The following UMPS variants were observed in gnomAD, a reference collection of about 807,000 sequenced individuals.
UMPS encodes the protein uridine 5'-monophosphate synthase.
Under a neutral mutation model 38.9 loss-of-function variants are expected in UMPS, and 21 were observed. The ratio of observed to expected loss-of-function variants is 0.54; its 90% CI spans 0.38 to 0.78. The LOEUF (loss-of-function observed/expected upper bound fraction) is 0.78. UMPS is among the 30% of genes least tolerant of loss of function. The probability of loss-of-function intolerance (pLI) is 0.00; values close to 1 mark genes in which losing one functional copy is unlikely to be tolerated. For missense variants in UMPS, 533 were observed against 591.6 expected, an observed-to-expected ratio of 0.90 and a Z score of 1.03; for synonymous variants, 208 against 219.3, an observed-to-expected ratio of 0.95 and a Z score of 0.45.
In UMPS at chr3:124,739,393, G is replaced by A. The variant is rs528578245; in HGVS notation, c.983-631G>A. 3.9e-4 allele frequency among the ~76,000 whole-genome samples: 59 copies of A among 152,204 alleles called. 1 individual carries two copies. The South Asian group carries it at 7.3e-3, about 19-fold the overall frequency. On this transcript the variant is annotated intron_variant, in intron 3 of 5. Coordinates refer to ENST00000232607, the MANE Select transcript of UMPS (RefSeq NM_000373.4). ...GTCGCCCAGGCTGGAGTGCAGTGGT[G>A]CAATCTTGACTCACTGCAACCTCCA...
Position 124,748,196 on chromosome 3 carries a change from C to G in UMPS, c.*4112C>G, listed in dbSNP as rs1343298036. 4.4e-6 allele frequency: 2 copies of G among 453,040 alleles called. No individual in the cohort carries two copies. The highest frequency in any genetic ancestry group is 2.4e-5 in the Admixed American group (1 of 42,428). The allele number at this position is 453,040 out of a possible 1,614,324, so 28.1% of individuals were successfully genotyped here. A position where few individuals can be genotyped will look rare whatever the true frequency, so the allele number is the denominator to read the frequency against. ...CCTCCTGCCTTGGCTTCCCAAAGTG[C>G]TAGGATTACAGGTGTGAGCCACTGC... On this transcript the variant is annotated 3_prime_UTR_variant, in exon 6 of 6. Coordinates refer to ENST00000232607, the MANE Select transcript of UMPS (RefSeq NM_000373.4).
chr3:124,738,760 A>C (rs1020420975), intron 3 of UMPS: 1 of 155,442 alleles, frequency 6.4e-6, no homozygotes, highest in Non-Finnish European at 1.4e-5. Context: ...TAGCAGAAAA[A>C]GTTCTATTGA....
At chr3:124,739,231 C>T (rs190440803) in intron 3 of UMPS, among the ~76,000 whole-genome samples, 4 of 152,312 alleles carry the variant, frequency 2.6e-5, no homozygotes, top group Non-Finnish European at 5.9e-5. Flanking sequence ...AATTAGATAG[C>T]TAAGGAGATC....
rs544931722 is a variant in UMPS at position 124,745,321 on chromosome 3, T to G, written c.*1237T>G. 2.2e-6 allele frequency: 1 copy of G among 453,564 alleles called. No individual in the cohort carries two copies. The highest frequency in any genetic ancestry group is 2.0e-5 in the African/African-American group (1 of 49,864). The allele number at this position is 453,564 out of a possible 1,614,324, so 28.1% of individuals were successfully genotyped here. A position where few individuals can be genotyped will look rare whatever the true frequency, so the allele number is the denominator to read the frequency against. On this transcript the variant is annotated 3_prime_UTR_variant, in exon 6 of 6. Transcript: ENST00000232607. ...AGGATCAGCCATTTCCCCACCCTTG[T>G]CAGCTGATGGCCCACTGTTCTTTAA...
In UMPS at chr3:124,748,488, T is replaced by C. The variant is rs1043919783; in HGVS notation, c.*4404T>C. On this transcript the variant is annotated 3_prime_UTR_variant, in exon 6 of 6. Coordinates refer to ENST00000232607, the MANE Select transcript of UMPS (RefSeq NM_000373.4). ...ACTTCTAAAGTTCAAGGTTTTGGCA[T>C]AAGTCTGGTTTAGAAGCACATTTGC... The C allele has an allele frequency of 1.3e-5, 6 of 453,796 alleles. No individual in the cohort carries two copies. The highest frequency in any genetic ancestry group is 1.0e-4 in the African/African-American group (5 of 49,966). The allele number at this position is 453,796 out of a possible 1,614,324, so 28.1% of individuals were successfully genotyped here.
At position 124,738,059 on chromosome 3, in the gene UMPS, C is replaced by A; in HGVS notation, c.802C>A (p.Gln268Lys). The change falls in exon 3 of 6, where the codon CAG becomes AAG. Residue 268 changes from glutamine to lysine, a missense_variant. By Grantham distance (53) the Gln-to-Lys change is moderately conservative. Coordinates refer to ENST00000232607, the MANE Select transcript of UMPS (RefSeq NM_000373.4). Reference sequence around the variant, plus strand: ...TGTTTCACTGGCCAGAGAGCTGTTGCAGCTAGCAGATGCTTTAGGACCTAG... The same window carrying A: ...TGTTTCACTGGCCAGAGAGCTGTTGAAGCTAGCAGATGCTTTAGGACCTAG... ...ADVSLARELL[Q>K]LADALGPSIC... 6.2e-7 allele frequency: 1 copy of A among 1,614,220 alleles called. No individual in the cohort carries two copies. Among genetic ancestry groups the A allele is most frequent in the Non-Finnish European group, 8.5e-7 (1 of 1,180,038 alleles).
rs1415311696 is a variant in UMPS, at chr3:124,744,407, A to G, written c.*323A>G. 1 of 468,002 alleles carries G rather than the reference A, an allele frequency of 2.1e-6. No homozygotes were observed. The highest frequency in any genetic ancestry group is 4.2e-6 in the Non-Finnish European group (1 of 236,384). 29.0% of individuals were successfully genotyped at this position (468,002 alleles called of 1,614,324 possible). On this transcript the variant is annotated 3_prime_UTR_variant, in exon 6 of 6. Transcript: ENST00000232607. ...CTCCATGGGACTAGACTGCTTTGTT[A>G]TTCTATTTATTTTTTAATTTTTTTC... is the stretch of plus-strand genomic sequence containing the variant.
chr3:124,746,244 A>G lies in UMPS; in HGVS notation c.*2160A>G, dbSNP rs762518175. 4 of 454,008 alleles carry G rather than the reference A, an allele frequency of 8.8e-6. No homozygotes were observed. Among genetic ancestry groups the G allele is most frequent in the Non-Finnish European group, 1.8e-5 (4 of 226,794 alleles). 28.1% of individuals were successfully genotyped at this position (454,008 alleles called of 1,614,324 possible). A position where few individuals can be genotyped will look rare whatever the true frequency, so the allele number is the denominator to read the frequency against. On this transcript the variant is annotated 3_prime_UTR_variant, in exon 6 of 6. Coordinates refer to ENST00000232607, the MANE Select transcript of UMPS (RefSeq NM_000373.4). ...TTTGAGGGGAAATGAGAGGAGGCTC[A>G]AATAATCACCCAGCCCCTGCCACTT...
chr3:124,745,444 A>G lies in UMPS; in HGVS notation c.*1360A>G, dbSNP rs1190200149. On this transcript the variant is annotated 3_prime_UTR_variant, in exon 6 of 6. Coordinates refer to ENST00000232607, the MANE Select transcript of UMPS (RefSeq NM_000373.4). ...AGTGGCACGATCTCGGCTCACTGCA[A>G]CTTCTGCCTCTCTGGTTCAAGCAGT... The G allele has an allele frequency of 4.4e-6, 2 of 453,586 alleles. No homozygotes were observed. The highest frequency in any genetic ancestry group is 1.6e-5 in the South Asian group (1 of 64,436). The allele number at this position is 453,586 out of a possible 1,614,324, so 28.1% of individuals were successfully genotyped here. A position where few individuals can be genotyped will look rare whatever the true frequency, so the allele number is the denominator to read the frequency against.
chr3:124,745,563 A>G lies in UMPS; in HGVS notation c.*1479A>G. The G allele has an allele frequency of 2.2e-6, 1 of 454,040 alleles. No homozygotes were observed. The highest frequency in any genetic ancestry group is 4.4e-6 in the Non-Finnish European group (1 of 226,782). The allele number at this position is 454,040 out of a possible 1,614,324, so 28.1% of individuals were successfully genotyped here. ...ATTCCCTCCTGAAGTTTTTACTTCA[A>G]GAGCTTCTGCTCTAAAGTCCAATTT... is the stretch of plus-strand genomic sequence containing the variant. On this transcript the variant is annotated 3_prime_UTR_variant, in exon 6 of 6. Transcript: ENST00000232607.
chr3:124,747,556 A>G lies in UMPS; in HGVS notation c.*3472A>G, dbSNP rs1042179795. 2.4e-5 allele frequency: 11 copies of G among 453,876 alleles called. No individual in the cohort carries two copies. Among genetic ancestry groups the G allele is most frequent in the Admixed American group, 1.9e-4 (8 of 42,554 alleles). The allele number at this position is 453,876 out of a possible 1,614,324, so 28.1% of individuals were successfully genotyped here. A position where few individuals can be genotyped will look rare whatever the true frequency, so the allele number is the denominator to read the frequency against. On this transcript the variant is annotated 3_prime_UTR_variant, in exon 6 of 6. Transcript: ENST00000232607. ...TCTGAAGAGCAAGAGAAAGTAGAGC[A>G]GAGCCTACTCCAGCCTCCCCCGTCC...
At chr3:124,734,595 G>A (rs2063504421) in intron 1 of UMPS, among the ~76,000 whole-genome samples, 1 of 152,074 alleles carries the variant, frequency 6.6e-6, no homozygotes, top group Non-Finnish European at 1.5e-5. Flanking sequence ...ATTTATATTT[G>A]TGTACTGGGT....
chr3:124,737,463 C>T (rs1265242869), intron 2 of UMPS, 105 bp from the exon 3 acceptor site: 21 of 1,019,354 alleles, frequency 2.1e-5, no homozygotes, highest in Non-Finnish European at 2.6e-5. Flanking sequence ...TACACATATA[C>T]TGTATGTGTA....
chr3:124,736,097 C>T (rs565488103), intron 2 of UMPS, among the ~76,000 whole-genome samples: 33 of 151,818 alleles, frequency 2.2e-4, no homozygotes, highest in Admixed American at 2.0e-3. Context: ...GCTTTGGCAA[C>T]GTTTGTCTCT....
rs1457522904 is a variant in UMPS, at chr3:124,747,025, G to C, written c.*2941G>C. The stretch of plus-strand genomic sequence containing the variant: ...GTTTTTTGTTTTGTTTTGTTTGTTT[G>C]ATACAGGGTCTTCACTCTGTTGCCC... On this transcript the variant is annotated 3_prime_UTR_variant, in exon 6 of 6. Coordinates refer to ENST00000232607, the MANE Select transcript of UMPS (RefSeq NM_000373.4). The C allele has an allele frequency of 6.6e-6, 3 of 453,708 alleles. No individual in the cohort carries two copies. Among genetic ancestry groups the C allele is most frequent in the African/African-American group, 4.0e-5 (2 of 49,876 alleles). 28.1% of individuals were successfully genotyped at this position (453,708 alleles called of 1,614,324 possible).
chr3:124,730,669 A>G (rs1318869083), intron 1 of UMPS, 42 bp downstream of exon 1: 1 of 1,596,362 alleles, frequency 6.3e-7, no homozygotes, highest in Non-Finnish European at 8.6e-7. Flanking sequence ...TGGTGGCGGG[A>G]AGGAGGACAA....
chr3:124,746,803 G>A lies in UMPS; in HGVS notation c.*2719G>A, dbSNP rs550361317. 2.0e-4 allele frequency: 92 copies of A among 451,646 alleles called. No individual in the cohort carries two copies. The highest frequency in any genetic ancestry group is 1.3e-3 in the Admixed American group (53 of 42,398). The allele number at this position is 451,646 out of a possible 1,614,324, so 28.0% of individuals were successfully genotyped here. A position where few individuals can be genotyped will look rare whatever the true frequency, so the allele number is the denominator to read the frequency against. ...TGTGTGTGTGTGTGTGTGTGCATGCGCGCGCGTGCGCACTGGAGGAACCTA... is the reference window on the plus strand; with the variant it reads ...TGTGTGTGTGTGTGTGTGTGCATGCACGCGCGTGCGCACTGGAGGAACCTA... On this transcript the variant is annotated 3_prime_UTR_variant, in exon 6 of 6. Coordinates refer to ENST00000232607, the MANE Select transcript of UMPS (RefSeq NM_000373.4).
chr3:124,732,078 C>A (rs2063483367), intron 1 of UMPS, among the ~76,000 whole-genome samples: 1 of 152,120 alleles, frequency 6.6e-6, no homozygotes, highest in Non-Finnish European at 1.5e-5. Flanking sequence ...GCTGGGACTA[C>A]AAATGCCTGG....
In UMPS at chr3:124,745,688, T is replaced by C. The variant is rs1455877820; in HGVS notation, c.*1604T>C. 2.2e-6 allele frequency: 1 copy of C among 453,666 alleles called. No homozygotes were observed. Among genetic ancestry groups the C allele is most frequent in the Non-Finnish European group, 4.4e-6 (1 of 226,712 alleles). 28.1% of individuals were successfully genotyped at this position (453,666 alleles called of 1,614,324 possible). Reference sequence around the variant, plus strand: ...GGCCACAGAAGGAGCAGGAAGGGAGTTGGCCCTCAGGGCTACTCTGGGGAA... The same window carrying C: ...GGCCACAGAAGGAGCAGGAAGGGAGCTGGCCCTCAGGGCTACTCTGGGGAA... On this transcript the variant is annotated 3_prime_UTR_variant, in exon 6 of 6. Transcript: ENST00000232607.
Sources: gnomAD v4.1 joint callset for allele counts (sites outside exome capture counted in the v4.1 genomes callset) on GRCh38, gnomAD v4.1.1 for gene constraint, MANE v1.5 for transcripts, NCBI Gene and HGNC (gene_info 2026-07-23, HGNC 2026-07-21) for gene names.